Variants in RNF216 observed in about 807,000 individuals in gnomAD.
The protein encoded by RNF216 is E3 ubiquitin-protein ligase RNF216.
In RNF216, 72 loss-of-function variants were observed where a neutral mutation model predicts 110.8. That is an observed-to-expected ratio of 0.65 (90% CI 0.54 to 0.79). The LOEUF (loss-of-function observed/expected upper bound fraction) is 0.79. Ranked by LOEUF, RNF216 falls within the 30% of genes least tolerant of loss-of-function variation. The probability of loss-of-function intolerance (pLI) is 0.00; values close to 1 mark genes in which losing one functional copy is unlikely to be tolerated. For synonymous variants in RNF216, 495 were observed against 407.5 expected, an observed-to-expected ratio of 1.21 and a Z score of -2.59; for missense variants, 1,342 against 1,141.2, an observed-to-expected ratio of 1.18 and a Z score of -2.54.
intron 3 of RNF216, among the ~76,000 whole-genome samples, chr7:5,742,987 G>A (rs1390659178): frequency 2.6e-5 from 4 of 152,264 alleles, no homozygotes; most frequent in Middle Eastern, 3.4e-3. Flanking sequence ...CGTAGGCCAG[G>A]CGTGGTGGCT....
intron 13 of RNF216, among the ~76,000 whole-genome samples, chr7:5,698,234 G>C (rs1791745991): frequency 6.6e-6 from 1 of 152,120 alleles, no homozygotes; most frequent in African/African-American, 2.4e-5. Flanking sequence ...CTTTCTTCTG[G>C]TTGCAGCTGG....
Position 5,689,067 on chromosome 7 carries a change from G to A in RNF216, c.2061+22694C>T, listed in dbSNP as rs150664775. 7.0e-3 allele frequency among the ~76,000 whole-genome samples: 1,067 copies of A among 152,222 alleles called. 11 individuals carry two copies. The highest frequency in any genetic ancestry group is 0.014 in the Middle Eastern group (4 of 294). ...CTCTCTCATAAAAGAACAGGCTGCC[G>A]ATTCTGTGAAACAAAATGATATCCT... is the stretch of plus-strand genomic sequence containing the variant. On this transcript the variant is annotated intron_variant, in intron 13 of 16. Transcript: ENST00000389902.
At chr7:5,760,700 A>C (rs1363877728) in intron 2 of RNF216, among the ~76,000 whole-genome samples, 3 of 152,184 alleles carry the variant, frequency 2.0e-5, no homozygotes, top group African/African-American at 7.2e-5. Flanking sequence ...ACTCCTTTAT[A>C]ATCACCACGC....
At chr7:5,746,094 C>T (rs10951960) in intron 3 of RNF216, among the ~76,000 whole-genome samples, 46,919 of 151,972 alleles carry the variant, frequency 0.31, 8,245 homozygotes, top group Admixed American at 0.4. Context: ...ACAGGAAAAA[C>T]GGCTAACTCC....
intron 15 of RNF216, among the ~76,000 whole-genome samples, chr7:5,636,813 T>C (rs1787424168): frequency 6.6e-6 from 1 of 152,074 alleles, no homozygotes; most frequent in African/African-American, 2.4e-5. Context: ...AGAAACTTTC[T>C]CAGGTTAGAA....
chr7:5,659,137 T>C (rs1425578149), intron 13 of RNF216, among the ~76,000 whole-genome samples: 2 of 152,062 alleles, frequency 1.3e-5, no homozygotes, highest in African/African-American at 2.4e-5. Context: ...AAGATCTGAG[T>C]GACGGTGGGA....
chr7:5,676,638 G>C (rs1279279669), intron 13 of RNF216, among the ~76,000 whole-genome samples: 1 of 152,344 alleles, frequency 6.6e-6, no homozygotes. Flanking sequence ...CACCACAGGG[G>C]AATACACACA....
At chr7:5,757,067 T>C (rs974983239) in intron 2 of RNF216, among the ~76,000 whole-genome samples, 3 of 152,248 alleles carry the variant, frequency 2.0e-5, no homozygotes, top group Non-Finnish European at 2.9e-5. Flanking sequence ...CTAATTTTCA[T>C]TGTGATTTCT....
chr7:5,742,110 G>A (rs571629070), intron 3 of RNF216, among the ~76,000 whole-genome samples: 38 of 152,228 alleles, frequency 2.5e-4, no homozygotes, highest in Middle Eastern at 6.8e-3. Context: ...GCAATGGTGC[G>A]ATCTCGGCTC....
At chr7:5,644,276 T>C (rs1225152984) in intron 14 of RNF216, among the ~76,000 whole-genome samples, 2 of 152,208 alleles carry the variant, frequency 1.3e-5, no homozygotes, top group African/African-American at 4.8e-5. Flanking sequence ...CTATGGCGGC[T>C]ACACTATTTC....
chr7:5,713,924 G>A (rs1792879635), intron 11 of RNF216, among the ~76,000 whole-genome samples: 1 of 152,202 alleles, frequency 6.6e-6, no homozygotes, highest in African/African-American at 2.4e-5. Context: ...AGATCACAGG[G>A]CTAGTATGGC....
At chr7:5,721,000 A>G in intron 9 of RNF216, 33 bp downstream of exon 9, 1 of 1,608,776 alleles carries the variant, frequency 6.2e-7, no homozygotes, top group Non-Finnish European at 8.5e-7. Context: ...GAATCCCAGA[A>G]ACACACCCCA....
intron 5 of RNF216, among the ~76,000 whole-genome samples, chr7:5,739,058 G>A (rs1187899403): frequency 6.6e-6 from 1 of 152,200 alleles, no homozygotes; most frequent in Non-Finnish European, 1.5e-5. Context: ...ACTGGCTTGG[G>A]AAGGGGATGG....
rs1796228394 is a variant in RNF216 at position 5,766,713 on chromosome 7, AGCTGACT to A, written c.-69-5582_-69-5576del. On this transcript the variant is annotated intron_variant, in intron 1 of 16. Coordinates refer to ENST00000389902, the MANE Select transcript of RNF216 (RefSeq NM_207111.4). ...TTAGTCTATGGTATCAGTCAGCTTG[AGCTGACT>A]AATACAGGTGGAATTACAGAAACAA... Among the ~76,000 whole-genome samples the A allele has an allele frequency of 3.9e-5, 6 of 152,356 alleles. No individual in the cohort carries two copies. In the East Asian group the frequency reaches 1.2e-3, roughly 29 times the overall value.
chr7:5,645,051 G>A (rs189782055), intron 14 of RNF216, among the ~76,000 whole-genome samples: 2 of 151,922 alleles, frequency 1.3e-5, no homozygotes, highest in Admixed American at 6.6e-5. Flanking sequence ...TCCTGATCTC[G>A]TGATCCACCT....
Position 5,641,378 on chromosome 7 carries a change from T to C in RNF216, c.2160-2A>G. The C allele has an allele frequency of 6.2e-7, 1 of 1,609,934 alleles. No individual in the cohort carries two copies. The highest frequency in any genetic ancestry group is 8.5e-7 in the Non-Finnish European group (1 of 1,176,884). On this transcript the variant is annotated splice_acceptor_variant, in intron 14 of 16. Transcript: ENST00000389902. LOFTEE classifies it high-confidence loss of function. ...CGGGCAGCAGTCATTTTTTCTTCAC[T>C]GAAATAAGAAAACATAATTTGGAGC...
chr7:5,678,610 G>C (rs930370986), intron 13 of RNF216, among the ~76,000 whole-genome samples: 1 of 152,224 alleles, frequency 6.6e-6, no homozygotes, highest in African/African-American at 2.4e-5. Context: ...TAAAAGGAGT[G>C]CTTATAAGGA....
At chr7:5,697,169 TG>T (rs745394380) in intron 13 of RNF216, among the ~76,000 whole-genome samples, 5 of 151,952 alleles carry the variant, frequency 3.3e-5, no homozygotes, top group Non-Finnish European at 7.3e-5. Flanking sequence ...TCTCTGGGCC[TG>T]GAGTAAAGTT....
At chr7:5,666,564 G>C (rs1309536057) in intron 13 of RNF216, 1 of 152,296 alleles carries the variant, frequency 6.6e-6, no homozygotes, top group African/African-American at 2.4e-5. Context: ...CTGAAGAAGA[G>C]CCTCTGCAAT....
Sources: allele counts gnomAD v4.1 joint callset (sites outside exome capture counted in the v4.1 genomes callset), GRCh38; gene constraint gnomAD v4.1.1; transcripts MANE v1.5; gene names NCBI Gene and HGNC (gene_info 2026-07-23, HGNC 2026-07-21).